SQSTM1: variants seen among roughly 807,000 people sequenced by gnomAD.
The protein encoded by SQSTM1 is sequestosome-1.
In SQSTM1, 36 loss-of-function variants were observed where a neutral mutation model predicts 45.1. The observed-to-expected ratio is 0.80, with a 90% CI of 0.61 to 1.05. The LOEUF (loss-of-function observed/expected upper bound fraction) is 1.05. SQSTM1 is among the 50% of genes least tolerant of loss of function. The probability of loss-of-function intolerance (pLI) is 0.00; values close to 1 mark genes in which losing one functional copy is unlikely to be tolerated. For missense variants in SQSTM1, 617 were observed against 607.1 expected (o/e 1.02, Z -0.17); for synonymous variants, 290 against 244.3 (o/e 1.19, Z -1.74).
chr5:179,807,873 G>T (rs1305092766), intron 1 of SQSTM1: 1 of 152,268 alleles, frequency 6.6e-6, no homozygotes, highest in Non-Finnish European at 1.5e-5. Flanking sequence ...GGCTGGTCTC[G>T]AACTCCTGAC....
In SQSTM1 at chr5:179,806,444, G is replaced by C; in HGVS notation, c.-304G>C. ...CGCCGGGCCCGCTCCCGCCGCCGAC[G>C]CCCAGGTGCGCCAGGTGCGGGCCGG... On this transcript the variant is annotated 5_prime_UTR_variant, in exon 1 of 6. Transcript: ENST00000514093. This position sits in a 1 kb window ranked among gnomAD's most constrained non-coding sequence, Gnocchi z 4.6. The C allele has an allele frequency of 8.5e-7, 1 of 1,170,370 alleles. No individual in the cohort carries two copies. The allele number at this position is 1,170,370 out of a possible 1,614,324, so 72.5% of individuals were successfully genotyped here.
intron 7 of SQSTM1, among the ~76,000 whole-genome samples, 167 bp downstream of exon 7, chr5:179,833,949 G>A (rs963025067): frequency 1.3e-5 from 2 of 152,124 alleles, no homozygotes; most frequent in African/African-American, 4.8e-5. Context: ...TGTGTACCCT[G>A]AGCAATAGCG....
At position 179,834,133 on chromosome 5, in the gene SQSTM1, G is replaced by A. The variant is rs954311196; in HGVS notation, c.1165+351G>A. Among the ~76,000 whole-genome samples the A allele has an allele frequency of 5.1e-5, 7 of 136,246 alleles. No individual in the cohort carries two copies. In the East Asian group the frequency reaches 7.5e-4, roughly 15 times the overall value. 89.4% of individuals were successfully genotyped at this position (136,246 alleles called of 152,430 possible). The stretch of plus-strand genomic sequence containing the variant: ...TCCCTACTACTCACACTCAAGTGCC[G>A]CCTCAGGGAGTGCTGGTCTGAGAGG... On this transcript the variant is annotated intron_variant, in intron 7 of 7. Transcript: ENST00000389805.
intron 4 of SQSTM1, among the ~76,000 whole-genome samples, chr5:179,824,533 C>G (rs1757921479): frequency 6.6e-6 from 1 of 152,148 alleles, no homozygotes; most frequent in Admixed American, 6.5e-5. Flanking sequence ...GTGCCTGAGG[C>G]CACAAATTTA....
At chr5:179,808,259 A>G (rs949342025) in intron 1 of SQSTM1, 2 of 152,284 alleles carry the variant, frequency 1.3e-5, no homozygotes, top group African/African-American at 4.8e-5. Flanking sequence ...GGGTCTGGAC[A>G]GAGAGATTGA....
At chr5:179,818,301 A>G (rs1460946742), upstream of SQSTM1, among the ~76,000 whole-genome samples, 1 of 152,012 alleles carries the variant, frequency 6.6e-6, no homozygotes, top group South Asian at 2.1e-4. Flanking sequence ...ACAGACCAGG[A>G]CCTCTGTAGA....
In SQSTM1 at chr5:179,821,022, C is replaced by G. The variant is rs1012113887; in HGVS notation, c.86C>G (p.Pro29Arg). 1.9e-6 allele frequency: 3 copies of G among 1,565,278 alleles called. No homozygotes were observed. Among genetic ancestry groups the G allele is most frequent in the African/African-American group, 1.4e-5 (1 of 71,130 alleles). Residue 29 changes from proline (P) to arginine (R), a missense_variant, in exon 1 of 8, where the codon CCC (proline) becomes CGC (arginine). Physicochemically the swap from Pro to Arg is moderately radical, Grantham distance 103. Transcript: ENST00000389805. ...EIRRFSFCCS[P>R]EPEAEAEAAA... Reference sequence around the variant, plus strand: ...CGCCGCTTCAGCTTCTGCTGCAGCCCCGAGCCTGAGGCGGAAGCCGAGGCT... The same window carrying G: ...CGCCGCTTCAGCTTCTGCTGCAGCCGCGAGCCTGAGGCGGAAGCCGAGGCT...
In SQSTM1 at chr5:179,835,968, G is replaced by A. The variant is rs559291049; in HGVS notation, c.1166-468G>A. The A allele has an allele frequency of 3.5e-5, 9 of 256,636 alleles. No homozygotes were observed. The East Asian group carries it at 8.5e-4, about 24-fold the overall frequency. 15.9% of individuals were successfully genotyped at this position (256,636 alleles called of 1,614,324 possible). A position where few individuals can be genotyped will look rare whatever the true frequency, so the allele number is the denominator to read the frequency against. The stretch of plus-strand genomic sequence containing the variant: ...TGCAATTGTGAGTTGTGCTGCTCCA[G>A]ATATCATCTTTAACTCCTTTGCCTT... On this transcript the variant is annotated intron_variant, in intron 7 of 7. Transcript: ENST00000389805.
chr5:179,817,033 C>G (rs1288389337), upstream of SQSTM1, among the ~76,000 whole-genome samples: 1 of 152,042 alleles, frequency 6.6e-6, no homozygotes, highest in Non-Finnish European at 1.5e-5. Flanking sequence ...CCGGGCAGGC[C>G]ACTTCTGACG....
chr5:179,810,313 C>T (rs1757359671), intron 1 of SQSTM1, among the ~76,000 whole-genome samples: 1 of 152,122 alleles, frequency 6.6e-6, no homozygotes, highest in African/African-American at 2.4e-5. Flanking sequence ...GTTCCCCACC[C>T]TGTGTCCAAG....
upstream of SQSTM1, chr5:179,820,792 C>G (rs1420201829): frequency 1.5e-5 from 11 of 757,330 alleles, no homozygotes; most frequent in South Asian, 4.6e-5. Flanking sequence ...GGGCGGCTCT[C>G]GCGCCGCGAC....
At chr5:179,819,949 T>C (rs932576812), upstream of SQSTM1, among the ~76,000 whole-genome samples, 23 of 152,184 alleles carry the variant, frequency 1.5e-4, no homozygotes, top group Non-Finnish European at 2.6e-4. Context: ...TGGGCTGAAA[T>C]GGCATGAGTT....
In SQSTM1 at chr5:179,833,201, G is replaced by T; in HGVS notation, c.924G>T (p.Ala308=). The T allele has an allele frequency of 6.2e-7, 1 of 1,612,096 alleles. No homozygotes were observed. Among genetic ancestry groups the T allele is most frequent in the Non-Finnish European group, 8.5e-7 (1 of 1,179,220 alleles). Residue 308 remains alanine (A), a synonymous_variant, in exon 6 of 8, where the codon GCG becomes GCT. Transcript: ENST00000389805. The part of the protein sequence containing the change: ...GNVEGATQSL[A]EQMRKIALES... ...TTGAGGGCGCCACGCAGTCTCTGGC[G>T]GAGCAGATGAGGAAGATCGCCTTGG...
chr5:179,821,691 G>A (rs780392351), intron 1 of SQSTM1: 57 of 367,272 alleles, frequency 1.6e-4, no homozygotes, highest in Non-Finnish European at 2.6e-4. Flanking sequence ...GATCGCCGGC[G>A]GAACGCTCCG....
Position 179,821,006 on chromosome 5 carries a change from A to G in SQSTM1, c.70A>G (p.Ser24Gly), listed in dbSNP as rs1242898002. The G allele has an allele frequency of 2.5e-6, 4 of 1,573,516 alleles. No individual in the cohort carries two copies. The highest frequency in any genetic ancestry group is 3.4e-6 in the Non-Finnish European group (4 of 1,169,250). Residue 24 changes from serine to glycine, a missense_variant, in exon 1 of 8, where the codon AGC (serine) becomes GGC (glycine). Physicochemically the swap from Ser to Gly is moderately conservative, Grantham distance 56. Coordinates refer to ENST00000389805, the MANE Select transcript of SQSTM1 (RefSeq NM_003900.5). Reference sequence around the variant, plus strand: ...CGCGGCGCGCGAGATTCGCCGCTTCAGCTTCTGCTGCAGCCCCGAGCCTGA... The same window carrying G: ...CGCGGCGCGCGAGATTCGCCGCTTCGGCTTCTGCTGCAGCCCCGAGCCTGA... ...EDAAREIRRFSFCCSPEPEAE... is the reference protein window; with the variant it reads ...EDAAREIRRFGFCCSPEPEAE...
rs750784335 is a variant in SQSTM1 at position 179,823,045 on chromosome 5, A to G, written c.293A>G (p.Tyr98Cys). 4 of 1,614,042 alleles carry G rather than the reference A, an allele frequency of 2.5e-6. No homozygotes were observed. The Admixed American group carries it at 6.7e-5, about 27-fold the overall frequency. ...GTGAAGGATGACATCTTCCGAATCT[A>G]CATTAAAGGTAAGGGGCTGCTCTGG... ...SYVKDDIFRI[Y>C]IKEKKECRRD... The change falls in exon 2 of 8, where the codon TAC (tyrosine) becomes TGC (cysteine). Residue 98 changes from tyrosine to cysteine, a missense_variant. By Grantham distance (194) the Tyr-to-Cys change is radical (BLOSUM62 -2). Transcript: ENST00000389805.
chr5:179,819,292 G>A (rs1161869479), upstream of SQSTM1, among the ~76,000 whole-genome samples: 4 of 152,022 alleles, frequency 2.6e-5, no homozygotes, highest in Admixed American at 2.6e-4. Flanking sequence ...GCTTCCCAAA[G>A]ACTCCCTCTT....
chr5:179,821,121 G>T lies in SQSTM1; in HGVS notation c.185G>T (p.Gly62Val), dbSNP rs774355338. The change falls in exon 1 of 8, where the codon GGC becomes GTC. Residue 62 changes from glycine (G) to valine (V), a missense_variant. Transcript: ENST00000389805. Reference protein sequence around the residue: ...AALFPALRPGGFQAHYRDEDG... With the variant: ...AALFPALRPGVFQAHYRDEDG... ...CTGTTCCCCGCGCTGCGGCCTGGCGGCTTCCAGGCGCACTACCGCGGTGAG... is the reference window on the plus strand; with the variant it reads ...CTGTTCCCCGCGCTGCGGCCTGGCGTCTTCCAGGCGCACTACCGCGGTGAG... 130 of 1,375,064 alleles carry T rather than the reference G, an allele frequency of 9.5e-5. 1 individual carries two copies. The South Asian group carries it at 2.0e-3, about 22-fold the overall frequency. The allele number at this position is 1,375,064 out of a possible 1,614,324, so 85.2% of individuals were successfully genotyped here.
chr5:179,817,067 G>A (rs1757602263), upstream of SQSTM1, among the ~76,000 whole-genome samples: 1 of 151,998 alleles, frequency 6.6e-6, no homozygotes, highest in African/African-American at 2.4e-5. Context: ...TTCCGCGGGC[G>A]TGCACGGTTG....
Sources: allele counts gnomAD v4.1 joint callset (sites outside exome capture counted in the v4.1 genomes callset), GRCh38; gene constraint gnomAD v4.1.1; non-coding constraint Gnocchi (gnomAD v3.1); transcripts MANE v1.5; gene names NCBI Gene and HGNC (gene_info 2026-07-23, HGNC 2026-07-21).